The following TVP23A variants were observed in gnomAD, a reference collection of about 807,000 sequenced individuals.
The protein encoded by TVP23A is Golgi apparatus membrane protein TVP23 homolog A.
TVP23A carries 21 observed loss-of-function variants against 31.7 expected under a neutral mutation model. That is an observed-to-expected ratio of 0.66 (90% confidence interval 0.47 to 0.95). The LOEUF (loss-of-function observed/expected upper bound fraction) is 0.95. TVP23A is among the 40% of genes least tolerant of loss of function. The pLI, the probability that TVP23A is intolerant of heterozygous loss-of-function variation, is 0.00. For missense variants in TVP23A, 279 were observed against 255.6 expected (o/e 1.09, Z -0.62); for synonymous variants, 104 against 96.0 (o/e 1.08, Z -0.49).
rs376701429 is a variant in TVP23A, at chr16:10,770,868, CAAAA to C, written c.583-541_583-538del. ...TGGGAGCAGAGTGAGACTCCCATCT[CAAAA>C]AAAAAAAAAAAAAAAAAAAAAAAAT... On this transcript the variant is annotated intron_variant, in intron 6 of 7. Transcript: ENST00000299866. Among the ~76,000 whole-genome samples the C allele has an allele frequency of 9.6e-4, 64 of 66,450 alleles. 1 individual carries two copies. The Middle Eastern group carries it at 0.041, about 42-fold the overall frequency. The allele number at this position is 66,450 out of a possible 152,430, so 43.6% of individuals were successfully genotyped here. A position where few individuals can be genotyped will look rare whatever the true frequency, so the allele number is the denominator to read the frequency against.
At chr16:10,810,251 G>A (rs1409591966) in intron 2 of TVP23A, among the ~76,000 whole-genome samples, 4 of 152,056 alleles carry the variant, frequency 2.6e-5, no homozygotes, top group Non-Finnish European at 4.4e-5. Flanking sequence ...ATTGGTGGAC[G>A]GAGAAAAGAA....
At chr16:10,774,608 T>TC (rs1567279871) in intron 3 of TVP23A, among the ~76,000 whole-genome samples, 1 of 56,076 alleles carries the variant, frequency 1.8e-5, no homozygotes. Context: ...TTCTCTCTCT[T>TC]TTTTTTTTTT....
At chr16:10,814,663 C>T (rs1224550168) in intron 2 of TVP23A, among the ~76,000 whole-genome samples, 2 of 152,226 alleles carry the variant, frequency 1.3e-5, no homozygotes, top group African/African-American at 4.8e-5. Context: ...TGCCCAATGC[C>T]ACAGCCACAT....
At chr16:10,808,454 A>G in intron 2 of TVP23A, 1 of 452,466 alleles carries the variant, frequency 2.2e-6, no homozygotes, top group East Asian at 7.0e-5. Context: ...CCACAGGACA[A>G]TGATCTTCTC....
chr16:10,818,755 A>G lies in TVP23A; in HGVS notation c.-262T>C. On this transcript the variant is annotated 5_prime_UTR_variant, in exon 1 of 8. Transcript: ENST00000299866. The surrounding 1 kb of genome is among the most constrained non-coding windows in gnomAD (Gnocchi z 4.7). ...GGAGAGAAAGCGGCGGCAGGGAGGC[A>G]ACGGCCTGGGGAACTGCGGACAGAG... 4.1e-6 allele frequency: 2 copies of G among 489,156 alleles called. No individual in the cohort carries two copies. The highest frequency in any genetic ancestry group is 3.3e-5 in the South Asian group (1 of 29,952). The allele number at this position is 489,156 out of a possible 1,614,324, so 30.3% of individuals were successfully genotyped here.
chr16:10,796,030 C>T (rs535273916), intron 2 of TVP23A, among the ~76,000 whole-genome samples: 3 of 151,914 alleles, frequency 2.0e-5, no homozygotes, highest in East Asian at 1.9e-4. Flanking sequence ...AACAACTCGC[C>T]TGCAAAGCAA....
chr16:10,794,693 G>A (rs138497036), intron 2 of TVP23A, among the ~76,000 whole-genome samples: 1 of 152,292 alleles, frequency 6.6e-6, no homozygotes, highest in East Asian at 1.9e-4. Context: ...TGAGATGGGG[G>A]TTGGGGGCAA....
chr16:10,783,552 T>C (rs1024961984), intron 2 of TVP23A, among the ~76,000 whole-genome samples: 40 of 152,280 alleles, frequency 2.6e-4, no homozygotes, highest in African/African-American at 9.4e-4. Flanking sequence ...GGCGCGTACC[T>C]GTAGTCCCAG....
downstream of TVP23A, among the ~76,000 whole-genome samples, chr16:10,765,768 A>C (rs1181606435): frequency 6.6e-6 from 1 of 152,222 alleles, no homozygotes; most frequent in African/African-American, 2.4e-5. The surrounding 1 kb of genome is among the most constrained non-coding windows in gnomAD (Gnocchi z 4.0). Context: ...CACAAGAGCT[A>C]ATTTCAAAGC....
chr16:10,801,687 C>T (rs1268847473), intron 2 of TVP23A, among the ~76,000 whole-genome samples: 5 of 152,156 alleles, frequency 3.3e-5, no homozygotes, highest in Non-Finnish European at 7.3e-5. Flanking sequence ...AACTCCTGAG[C>T]TCAGGCGATC....
chr16:10,758,667 C>T (rs962768141), downstream of TVP23A, among the ~76,000 whole-genome samples: 1 of 152,204 alleles, frequency 6.6e-6, no homozygotes, highest in African/African-American at 2.4e-5. Flanking sequence ...CCCCGTCAGC[C>T]TTGCCGTGTC....
chr16:10,774,471 G>C (rs1167326591), intron 3 of TVP23A, among the ~76,000 whole-genome samples: 3 of 151,980 alleles, frequency 2.0e-5, no homozygotes, highest in African/African-American at 7.3e-5. Flanking sequence ...CACGTGTTGT[G>C]GGGGAGACCG....
downstream of TVP23A, chr16:10,757,797 T>TA: frequency 1.3e-6 from 2 of 1,558,264 alleles, no homozygotes; most frequent in Non-Finnish European, 1.7e-6. The surrounding 1 kb of genome is among the most constrained non-coding windows in gnomAD (Gnocchi z 4.1). Context: ...ACCCCATCCT[T>TA]TAAAAAAAAA....
chr16:10,818,640 A>G lies in TVP23A; in HGVS notation c.-147T>C. 9.7e-7 allele frequency: 1 copy of G among 1,026,344 alleles called. No individual in the cohort carries two copies. The highest frequency in any genetic ancestry group is 3.1e-5 in the East Asian group (1 of 32,022). 63.6% of individuals were successfully genotyped at this position (1,026,344 alleles called of 1,614,324 possible). Reference sequence around the variant, plus strand: ...GGCCTGCGCCCTGTGGGGCAGCCTCAGCGCAGCTTCTCGGGTGGGGCGGGG... The same window carrying G: ...GGCCTGCGCCCTGTGGGGCAGCCTCGGCGCAGCTTCTCGGGTGGGGCGGGG... On this transcript the variant is annotated 5_prime_UTR_variant, in exon 1 of 8. Transcript: ENST00000299866. This position sits in a 1 kb window ranked among gnomAD's most constrained non-coding sequence, Gnocchi z 4.7.
intron 2 of TVP23A, among the ~76,000 whole-genome samples, chr16:10,780,460 A>C (rs1378758445): frequency 6.6e-6 from 1 of 152,198 alleles, no homozygotes; most frequent in Non-Finnish European, 1.5e-5. Flanking sequence ...CAGCCTTTGT[A>C]TAAGGGCACT....
At position 10,802,902 on chromosome 16, in the gene TVP23A, C is replaced by T. The variant is rs1485568757; in HGVS notation, c.89+15201G>A. On this transcript the variant is annotated intron_variant, in intron 2 of 7. Transcript: ENST00000299866. Reference sequence around the variant, plus strand: ...TAAATTTGAGATGTCATTTAAATTGCGCAAGGATACAGAATTAAGTTTATG... The same window carrying T: ...TAAATTTGAGATGTCATTTAAATTGTGCAAGGATACAGAATTAAGTTTATG... Among the ~76,000 whole-genome samples the T allele has an allele frequency of 3.3e-5, 5 of 152,082 alleles. No individual in the cohort carries two copies. The East Asian group carries it at 9.6e-4, about 29-fold the overall frequency.
chr16:10,762,401 C>A (rs1311632505), downstream of TVP23A, among the ~76,000 whole-genome samples: 1 of 152,214 alleles, frequency 6.6e-6, no homozygotes, highest in Non-Finnish European at 1.5e-5. Context: ...AAGAGATGCC[C>A]ACTCCCTGAG....
chr16:10,773,989 C>T, intron 4 of TVP23A, 50 bp downstream of exon 4: 1 of 1,456,476 alleles, frequency 6.9e-7, no homozygotes, highest in Non-Finnish European at 9.5e-7. Context: ...CAGAAACTTT[C>T]CACACCCATT....
intron 2 of TVP23A, among the ~76,000 whole-genome samples, chr16:10,800,144 T>C (rs1254372416): frequency 2.6e-5 from 4 of 151,794 alleles, no homozygotes; most frequent in African/African-American, 9.7e-5. Flanking sequence ...TTGTCCAGGG[T>C]AGTCTCAAAC....
Sources: gnomAD v4.1 joint callset for allele counts (sites outside exome capture counted in the v4.1 genomes callset) on GRCh38, gnomAD v4.1.1 for gene constraint, Gnocchi (gnomAD v3.1) non-coding constraint, MANE v1.5 for transcripts, NCBI Gene and HGNC (gene_info 2026-07-23, HGNC 2026-07-21) for gene names.